PEX6: variants seen among roughly 807,000 people sequenced by gnomAD.
The protein encoded by PEX6 is peroxisomal biogenesis factor 6, also known as peroxisome biogenesis factor 6.
A neutral mutation model predicts 85.6 loss-of-function variants in PEX6; 55 were observed. The observed-to-expected ratio is 0.64, with a 90% confidence interval of 0.52 to 0.80. The LOEUF (loss-of-function observed/expected upper bound fraction) is 0.80. PEX6 is among the 30% of genes least tolerant of loss of function. The pLI is 0.00. For synonymous variants in PEX6, 519 were observed against 549.1 expected (o/e 0.95, Z 0.77); for missense variants, 1,099 against 1,260.3 (o/e 0.87, Z 1.94).
At position 42,979,075 on chromosome 6, in the gene PEX6, C is replaced by A; in HGVS notation, c.76G>T (p.Gly26Trp). Residue 26 changes from glycine to tryptophan, a missense_variant, in exon 1 of 17, where the codon GGG becomes TGG. By Grantham distance (184) the Gly-to-Trp change is radical (BLOSUM62 -2). Transcript: ENST00000304611. ...TPPLAVLLPP[G>W]GPWPAAELGL... ...AGCTCCGCCGCCGGCCACGGGCCCC[C>A]GGGTGGCAGCAGCACTGCCAACGGG... 6.5e-7 allele frequency: 1 copy of A among 1,542,850 alleles called. No individual in the cohort carries two copies. Among genetic ancestry groups the A allele is most frequent in the Non-Finnish European group, 8.7e-7 (1 of 1,152,098 alleles).
At chr6:42,973,521 T>C (rs1262004910) in intron 3 of PEX6, among the ~76,000 whole-genome samples, 3 of 152,074 alleles carry the variant, frequency 2.0e-5, no homozygotes, top group Non-Finnish European at 4.4e-5. Flanking sequence ...CATACACTTG[T>C]TTGGGAACTG....
intron 3 of PEX6, among the ~76,000 whole-genome samples, chr6:42,970,631 T>C (rs1387566936): frequency 6.6e-6 from 1 of 152,226 alleles, no homozygotes; most frequent in African/African-American, 2.4e-5. Context: ...TTGAAAATGT[T>C]CTGGAATGAA....
Position 42,965,686 on chromosome 6 carries a change from C to T in PEX6, c.2466G>A (p.Met822Ile). 1 of 1,611,054 alleles carries T rather than the reference C, an allele frequency of 6.2e-7. No homozygotes were observed. The highest frequency in any genetic ancestry group is 8.5e-7 in the Non-Finnish European group (1 of 1,177,198). ...ATTCCCACTCAGACCCCTACCTGTC[C>T]ATCACTCCTCCAGAATCTCCACTTC... Reference protein sequence around the residue: ...RGRSGDSGGVMDRVVSQLLAE... With the variant: ...RGRSGDSGGVIDRVVSQLLAE... The change falls in exon 13 of 17, where the codon ATG (methionine) becomes ATA (isoleucine). Residue 822 changes from methionine to isoleucine, a missense_variant. By Grantham distance (10) the Met-to-Ile change is conservative. Coordinates refer to ENST00000304611, the MANE Select transcript of PEX6 (RefSeq NM_000287.4). This position sits in a 1 kb window ranked among gnomAD's most constrained non-coding sequence, Gnocchi z 5.0.
intron 3 of PEX6, among the ~76,000 whole-genome samples, chr6:42,973,075 G>A (rs1183912509): frequency 1.3e-5 from 2 of 152,066 alleles, no homozygotes; most frequent in East Asian, 1.9e-4. Context: ...GCAGTGATGC[G>A]ATCTGGGCTC....
intron 1 of PEX6, among the ~76,000 whole-genome samples, chr6:42,977,896 T>G (rs1426078616): frequency 2.2e-5 from 3 of 136,254 alleles, no homozygotes; most frequent in African/African-American, 8.3e-5. Flanking sequence ...CAGGCTGGAG[T>G]CCAATGGCGC....
Position 42,969,866 on chromosome 6 carries a change from C to A in PEX6, c.1233+19G>T, listed in dbSNP as rs989072078. On this transcript the variant is annotated intron_variant, in intron 4 of 16. Coordinates refer to ENST00000304611, the MANE Select transcript of PEX6 (RefSeq NM_000287.4). ...TTTCTACCCCCTGCGCTGGTCTACA[C>A]CCATCCTTGGGGCCTCACCATGTAC... 2 of 1,614,032 alleles carry A rather than the reference C, an allele frequency of 1.2e-6. No homozygotes were observed. Among genetic ancestry groups the A allele is most frequent in the Non-Finnish European group, 1.7e-6 (2 of 1,179,978 alleles).
Position 42,978,360 on chromosome 6 carries a change from T to C in PEX6, c.791A>G (p.Glu264Gly). The change falls in exon 1 of 17, where the codon GAG (glutamate) becomes GGG (glycine). Residue 264 changes from glutamate (E) to glycine (G), a missense_variant. By Grantham distance (98) the Glu-to-Gly change is moderately conservative. Around this residue, in one of 3 missense-constraint regions of PEX6, gnomAD observed 579 missense variants for 611.6 expected, o/e 0.95. Coordinates refer to ENST00000304611, the MANE Select transcript of PEX6 (RefSeq NM_000287.4). ...AAGCGCCAGTCCGTCAGCGAGGGGC[T>C]CTCCCAGCGGTCCAGAGCCGGGTCC... Reference protein sequence around the residue: ...RLGPGSGPLGEPLADGLALVP... With the variant: ...RLGPGSGPLGGPLADGLALVP... The C allele has an allele frequency of 6.2e-7, 1 of 1,614,092 alleles. No individual in the cohort carries two copies. The highest frequency in any genetic ancestry group is 1.1e-5 in the South Asian group (1 of 91,086).
At position 42,978,848 on chromosome 6, in the gene PEX6, C is replaced by T. The variant is rs1032414476; in HGVS notation, c.303G>A (p.Pro101=). 1.5e-5 allele frequency: 23 copies of T among 1,510,518 alleles called. No homozygotes were observed. Among genetic ancestry groups the T allele is most frequent in the Non-Finnish European group, 2.0e-5 (23 of 1,137,774 alleles). The allele number at this position is 1,510,518 out of a possible 1,614,324, so 93.6% of individuals were successfully genotyped here. A position where few individuals can be genotyped will look rare whatever the true frequency, so the allele number is the denominator to read the frequency against. The part of the protein sequence containing the change: ...WVRARAVRRP[P]ALGWALLGTS... ...TGCCAAGCAGTGCCCAACCTAGCGC[C>T]GGGGGCCGCCGCACCGCCCGCGCCC... The change falls in exon 1 of 17, where the codon CCG becomes CCA. Residue 101 remains proline, a synonymous_variant. Coordinates refer to ENST00000304611, the MANE Select transcript of PEX6 (RefSeq NM_000287.4).
rs760820489 is a variant in PEX6 at position 42,966,459 on chromosome 6, A to G, written c.2095-12T>C. ...GACACTGAGGGGATCTAGGAGATGGAAAGTGCGTGGTTGGGATATGCTCTT... is the reference window on the plus strand; with the variant it reads ...GACACTGAGGGGATCTAGGAGATGGGAAGTGCGTGGTTGGGATATGCTCTT... On this transcript the variant is annotated splice_polypyrimidine_tract_variant and intron_variant, in intron 10 of 16. Transcript: ENST00000304611. The G allele has an allele frequency of 5.0e-6, 8 of 1,614,044 alleles. No individual in the cohort carries two copies. Among genetic ancestry groups the G allele is most frequent in the Non-Finnish European group, 6.8e-6 (8 of 1,179,982 alleles).
In PEX6 at chr6:42,966,815, C is replaced by A. The variant is rs1554127125; in HGVS notation, c.1928G>T (p.Ser643Ile). 6.2e-7 allele frequency: 1 copy of A among 1,613,872 alleles called. No individual in the cohort carries two copies. Residue 643 changes from serine (S) to isoleucine (I), a missense_variant, in exon 9 of 17, where the codon AGC becomes ATC. By Grantham distance (142) the Ser-to-Ile change is moderately radical. Transcript: ENST00000304611. ...GDLYALLTHS[S>I]RAACTRIKNS... ...CTTGATCCTGGTGCAGGCTGCCCGG[C>A]TGCTGTGGGTCAGAAGGGCATAGAG...
In PEX6 at chr6:42,967,235, C is replaced by T. The variant is rs191236385; in HGVS notation, c.1884+133G>A. 1,734 of 859,956 alleles carry T rather than the reference C, an allele frequency of 2.0e-3. 2 individuals are homozygous for T. The highest frequency in any genetic ancestry group is 2.6e-3 in the Non-Finnish European group (1,403 of 540,024). 53.3% of individuals were successfully genotyped at this position (859,956 alleles called of 1,614,324 possible). The stretch of plus-strand genomic sequence containing the variant: ...CCGCCCACCTCGGCCTCCCAAAGTG[C>T]TAGGATTACAGGCGTGAGCCACGGC... On this transcript the variant is annotated intron_variant, in intron 8 of 16. Transcript: ENST00000304611.
intron 5 of PEX6, among the ~76,000 whole-genome samples, chr6:42,969,398 G>A (rs1031673388): frequency 2.0e-5 from 3 of 152,172 alleles, no homozygotes; most frequent in Admixed American, 2.0e-4. Context: ...CTCCCCAAGG[G>A]GAAGGGCAGT....
Position 42,978,398 on chromosome 6 carries a change from G to T in PEX6, c.753C>A (p.Leu251=), listed in dbSNP as rs898341197. 6.2e-6 allele frequency: 10 copies of T among 1,614,182 alleles called. 1 individual carries two copies. Among genetic ancestry groups the T allele is most frequent in the Non-Finnish European group, 8.5e-6 (10 of 1,180,032 alleles). Residue 251 remains leucine (L), a synonymous_variant, in exon 1 of 17, where the codon CTC becomes CTA. Transcript: ENST00000304611. ...RVQVLEPRWD[L]SDRLGPGSGP... is the part of the protein sequence containing the mutation. Reference sequence around the variant, plus strand: ...CAGAGCCGGGTCCCAGTCTATCAGAGAGGTCCCAGCGAGGTTCTAGGACCT... The same window carrying T: ...CAGAGCCGGGTCCCAGTCTATCAGATAGGTCCCAGCGAGGTTCTAGGACCT...
Position 42,978,536 on chromosome 6 carries a change from T to C in PEX6, c.615A>G (p.Leu205=), listed in dbSNP as rs1417378536. 31 of 1,613,690 alleles carry C rather than the reference T, an allele frequency of 1.9e-5. No homozygotes were observed. Among genetic ancestry groups the C allele is most frequent in the Non-Finnish European group, 2.6e-5 (31 of 1,179,996 alleles). Reference sequence around the variant, plus strand: ...CACGGAGACAGCTCCGGCTCACCCCTAGTGAATCTCCAGTCCCTCCCAGAA... The same window carrying C: ...CACGGAGACAGCTCCGGCTCACCCCCAGTGAATCTCCAGTCCCTCCCAGAA... The part of the protein sequence containing the change: ...QGVLGGTGDS[L]GVSRSCLRGL... Residue 205 remains leucine, a synonymous_variant, in exon 1 of 17, where the codon CTA becomes CTG. Coordinates refer to ENST00000304611, the MANE Select transcript of PEX6 (RefSeq NM_000287.4).
chr6:42,972,627 G>A (rs9471983), intron 3 of PEX6, among the ~76,000 whole-genome samples: 61,152 of 151,726 alleles, frequency 0.4, 12,700 homozygotes, highest in Non-Finnish European at 0.45. Context: ...AAAATTAGCC[G>A]GGCGTGGTGG....
chr6:42,967,266 C>G, intron 8 of PEX6, 102 bp downstream of exon 8: 1 of 1,194,846 alleles, frequency 8.4e-7, no homozygotes, highest in Admixed American at 2.0e-5. Flanking sequence ...ACGGCGCCCG[C>G]GCTGGGTTTT....
rs1222478076 is a variant in PEX6, at chr6:42,969,907, G to A, written c.1211C>T (p.Thr404Ile). The change falls in exon 4 of 17, where the codon ACC (threonine) becomes ATC (isoleucine). Residue 404 changes from threonine (T) to isoleucine (I), a missense_variant. Around this residue, in one of 3 missense-constraint regions of PEX6, gnomAD observed 579 missense variants for 611.6 expected, o/e 0.95. Coordinates refer to ENST00000304611, the MANE Select transcript of PEX6 (RefSeq NM_000287.4). Reference sequence around the variant, plus strand: ...CACCATGTACAAGGAGGTATGGGTGGTGTCGGCCAAGTAGGCACTGGCTGG... The same window carrying A: ...CACCATGTACAAGGAGGTATGGGTGATGTCGGCCAAGTAGGCACTGGCTGG... ...DGPASAYLADTTHTSLYMVGS... is the reference protein window; with the variant it reads ...DGPASAYLADITHTSLYMVGS... 1.2e-6 allele frequency: 2 copies of A among 1,614,224 alleles called. No homozygotes were observed. Among genetic ancestry groups the A allele is most frequent in the East Asian group, 2.2e-5 (1 of 44,892 alleles).
Position 42,968,373 on chromosome 6 carries a change from G to A in PEX6, c.1605C>T (p.Gly535=), listed in dbSNP as rs1384204316. ...CCTCACCCAGCCCATCACGGTCCCG[G>A]CCCAGAAGGTCCACAGCTGTGAGCA... is the stretch of plus-strand genomic sequence containing the variant. ...VLLLTAVDLL[G]RDRDGLGEDA... Residue 535 remains glycine, a synonymous_variant, in exon 7 of 17, where the codon GGC becomes GGT. Transcript: ENST00000304611. 6.2e-7 allele frequency: 1 copy of A among 1,614,028 alleles called. No individual in the cohort carries two copies. The highest frequency in any genetic ancestry group is 8.5e-7 in the Non-Finnish European group (1 of 1,180,054).
At chr6:42,966,005 G>C (rs1237043855) in intron 12 of PEX6, 39 bp downstream of exon 12, 1 of 1,607,220 alleles carries the variant, frequency 6.2e-7, no homozygotes, top group Non-Finnish European at 8.5e-7. Context: ...ATCGGGGTTT[G>C]GGAAGCATGG....
Sources: gnomAD v4.1 joint callset for allele counts (sites outside exome capture counted in the v4.1 genomes callset) on GRCh38, gnomAD v4.1.1 for gene constraint, gnomAD v4.1.1 regional missense constraint, Gnocchi (gnomAD v3.1) non-coding constraint, MANE v1.5 for transcripts, NCBI Gene and HGNC (gene_info 2026-07-23, HGNC 2026-07-21) for gene names.